Variants in HIVEP3 observed in about 807,000 individuals in gnomAD.
The protein encoded by HIVEP3 is transcription factor HIVEP3.
In HIVEP3, 49 loss-of-function variants were observed where a neutral mutation model predicts 152.8. That is an observed-to-expected ratio of 0.32 (90% CI 0.26 to 0.41). HIVEP3 has a LOEUF of 0.41. Among genes scored for constraint, HIVEP3 ranks in the 10% least tolerant of loss-of-function variants. HIVEP3 has a pLI of 1.00. For missense variants in HIVEP3, 2,790 were observed against 3,103.3 expected, an observed-to-expected ratio of 0.90 and a Z score of 2.40; for synonymous variants, 1,269 against 1,289.0, an observed-to-expected ratio of 0.98 and a Z score of 0.33.
At chr1:41,653,481 T>A (rs924256954) in intron 2 of HIVEP3, among the ~76,000 whole-genome samples, 1 of 152,114 alleles carries the variant, frequency 6.6e-6, no homozygotes, top group Non-Finnish European at 1.5e-5. Context: ...GTAACACATC[T>A]TTACACCCCA....
Position 41,575,599 on chromosome 1 carries a change from C to A in HIVEP3, c.5152G>T (p.Asp1718Tyr). 2 of 1,614,050 alleles carry A rather than the reference C, an allele frequency of 1.2e-6. No individual in the cohort carries two copies. The highest frequency in any genetic ancestry group is 1.7e-6 in the Non-Finnish European group (2 of 1,179,922). Reference sequence around the variant, plus strand: ...TCCCCTCTCTGGGAGGCAGGAGCATCCTCCTCCGGCTCCCCTCTCCTCTCT... The same window carrying A: ...TCCCCTCTCTGGGAGGCAGGAGCATACTCCTCCGGCTCCCCTCTCCTCTCT... ...EEERRGEPEE[D>Y]APASQRGEPA... The change falls in exon 5 of 9, where the codon GAT becomes TAT. Residue 1718 changes from aspartate (D) to tyrosine (Y), a missense_variant. Asp to Tyr is a radical substitution (Grantham distance 160, BLOSUM62 -3). This residue lies in a region of HIVEP3 where 1,078 missense variants were observed against 1,165.3 expected (regional missense o/e 0.93). Coordinates refer to ENST00000372583, the MANE Select transcript of HIVEP3 (RefSeq NM_024503.5).
At chr1:41,812,887 G>A (rs571325824) in intron 1 of HIVEP3, among the ~76,000 whole-genome samples, 1 of 139,602 alleles carries the variant, frequency 7.2e-6, no homozygotes, top group African/African-American at 2.6e-5. Flanking sequence ...GGTGGAGGGG[G>A]TGGGGGGCGG....
At chr1:41,539,894 T>G (rs1203761662) in intron 5 of HIVEP3, among the ~76,000 whole-genome samples, 1 of 152,244 alleles carries the variant, frequency 6.6e-6, no homozygotes, top group Non-Finnish European at 1.5e-5. Context: ...TAGTAGGCAC[T>G]TTTTACAGAA....
intron 1 of HIVEP3, among the ~76,000 whole-genome samples, chr1:41,932,934 G>A (rs550740457): frequency 7.9e-5 from 12 of 151,662 alleles, no homozygotes; most frequent in Non-Finnish European, 1.8e-4. Context: ...CTGACATATG[G>A]TTTATTTAGA....
chr1:41,876,139 A>G (rs1644167517), intron 1 of HIVEP3, among the ~76,000 whole-genome samples: 2 of 149,832 alleles, frequency 1.3e-5, no homozygotes, highest in South Asian at 4.2e-4. Context: ...TTCTTTTATG[A>G]AAGGATAGTA....
intron 1 of HIVEP3, among the ~76,000 whole-genome samples, chr1:41,906,622 G>A (rs1644715445): frequency 6.6e-6 from 1 of 152,126 alleles, no homozygotes; most frequent in Middle Eastern, 3.4e-3. Context: ...TGGCTACACT[G>A]GTGCAGATAC....
intron 1 of HIVEP3, among the ~76,000 whole-genome samples, chr1:42,008,899 G>T (rs1645477124): frequency 1.3e-5 from 2 of 152,120 alleles, no homozygotes. Flanking sequence ...TTAAAATTTG[G>T]TAAATAAGTC....
chr1:41,658,943 C>A lies in HIVEP3; in HGVS notation c.-720-29996G>T, dbSNP rs80249278. Among the ~76,000 whole-genome samples the A allele has an allele frequency of 2.2e-3, 342 of 152,286 alleles. 1 individual carries two copies. Among genetic ancestry groups the A allele is most frequent in the Admixed American group, 5.7e-3 (87 of 15,296 alleles). On this transcript the variant is annotated intron_variant, in intron 2 of 8. Transcript: ENST00000372583. ...GCTAAGAGGGTCCTTAGAAGTCTGA[C>A]CTTTTCCTCATTTACAGGGGTTGGG... is the stretch of plus-strand genomic sequence containing the variant.
At chr1:41,573,951 C>G (rs1424723192) in intron 5 of HIVEP3, among the ~76,000 whole-genome samples, 1 of 152,130 alleles carries the variant, frequency 6.6e-6, no homozygotes, top group Non-Finnish European at 1.5e-5. Flanking sequence ...CCTCCTTCAG[C>G]CATTGCAGAC....
chr1:41,672,853 CACTT>C (rs1043172695), intron 2 of HIVEP3, among the ~76,000 whole-genome samples: 1 of 152,216 alleles, frequency 6.6e-6, no homozygotes, highest in Non-Finnish European at 1.5e-5. Context: ...ATGAGTTAAA[CACTT>C]ACGTAAAGAG....
intron 1 of HIVEP3, among the ~76,000 whole-genome samples, chr1:41,789,679 A>C (rs1046855514): frequency 6.6e-6 from 1 of 152,224 alleles, no homozygotes; most frequent in Non-Finnish European, 1.5e-5. Flanking sequence ...ATGAATTGCC[A>C]AGATGGGGCA....
Position 41,637,344 on chromosome 1 carries a change from T to C in HIVEP3, c.-720-8397A>G, listed in dbSNP as rs116317152. On this transcript the variant is annotated intron_variant, in intron 2 of 8. Coordinates refer to ENST00000372583, the MANE Select transcript of HIVEP3 (RefSeq NM_024503.5). Reference sequence around the variant, plus strand: ...ACATAACTTTTCTTAAAGATAAACATATACTCCTACCAATAACAGAGATTC... The same window carrying C: ...ACATAACTTTTCTTAAAGATAAACACATACTCCTACCAATAACAGAGATTC... 4.2e-3 allele frequency among the ~76,000 whole-genome samples: 641 copies of C among 152,300 alleles called. 7 individuals carry two copies. The highest frequency in any genetic ancestry group is 0.015 in the African/African-American group (615 of 41,548).
intron 1 of HIVEP3, among the ~76,000 whole-genome samples, chr1:41,734,369 G>A (rs759155446): frequency 8.5e-5 from 13 of 152,198 alleles, no homozygotes; most frequent in African/African-American, 2.4e-4. Context: ...ATGGCCCAGC[G>A]TTTGGCCCAG....
chr1:41,692,274 G>A (rs968859789), intron 2 of HIVEP3, among the ~76,000 whole-genome samples: 16 of 152,302 alleles, frequency 1.1e-4, no homozygotes, highest in Non-Finnish European at 1.9e-4. Flanking sequence ...GACAGTTTTC[G>A]CAGTTTTGCA....
intron 5 of HIVEP3, among the ~76,000 whole-genome samples, chr1:41,525,756 C>G (rs881719): frequency 6.6e-6 from 1 of 152,034 alleles, no homozygotes; most frequent in East Asian, 1.9e-4. Context: ...AGAAGGAAAC[C>G]CACGAGTCCC....
intron 2 of HIVEP3, among the ~76,000 whole-genome samples, chr1:41,659,972 G>A (rs572058106): frequency 2.2e-4 from 34 of 152,320 alleles, no homozygotes; most frequent in Middle Eastern, 6.8e-3. Flanking sequence ...GAGAGTGTGC[G>A]TAGGAGCAGA....
chr1:41,862,232 T>G (rs1643896724), intron 1 of HIVEP3, among the ~76,000 whole-genome samples: 1 of 152,206 alleles, frequency 6.6e-6, no homozygotes. Context: ...GAAATGGCTG[T>G]CTGTCCAAAC....
intron 1 of HIVEP3, among the ~76,000 whole-genome samples, chr1:41,807,203 G>A (rs1216703161): frequency 5.9e-5 from 9 of 152,318 alleles, no homozygotes; most frequent in Admixed American, 1.3e-4. Context: ...CTGCAGGGCC[G>A]GCATGCCCCC....
chr1:42,028,596 G>C (rs1475418893), intron 1 of HIVEP3, among the ~76,000 whole-genome samples: 1 of 152,132 alleles, frequency 6.6e-6, no homozygotes, highest in Non-Finnish European at 1.5e-5. Context: ...AACCTATCTA[G>C]AGTCCAATTA....
Sources: allele counts gnomAD v4.1 joint callset (sites outside exome capture counted in the v4.1 genomes callset), GRCh38; gene constraint gnomAD v4.1.1; regional missense constraint gnomAD v4.1.1; transcripts MANE v1.5; gene names NCBI Gene and HGNC (gene_info 2026-07-23, HGNC 2026-07-21).